The following GNA12 variants were observed in gnomAD, a reference collection of about 807,000 sequenced individuals.
The protein encoded by GNA12 is guanine nucleotide-binding protein subunit alpha-12.
In GNA12, 9 loss-of-function variants were observed where a neutral mutation model predicts 26.0. The observed-to-expected ratio is 0.35, with a 90% CI of 0.21 to 0.60. The LOEUF is 0.60. Ranked by LOEUF, GNA12 falls within the 20% of genes least tolerant of loss-of-function variation. GNA12 has a pLI of 0.78. For synonymous variants in GNA12, 264 were observed against 219.6 expected (o/e 1.20, Z -1.79); for missense variants, 405 against 525.8 (o/e 0.77, Z 2.25).
In GNA12 at chr7:2,844,024, C is replaced by A. The variant is rs745714960; in HGVS notation, c.138G>T (p.Leu46=). 1 of 1,462,408 alleles carries A rather than the reference C, an allele frequency of 6.8e-7. No individual in the cohort carries two copies. Among genetic ancestry groups the A allele is most frequent in the Non-Finnish European group, 9.1e-7 (1 of 1,100,600 alleles). 90.6% of individuals were successfully genotyped at this position (1,462,408 alleles called of 1,614,324 possible). A position where few individuals can be genotyped will look rare whatever the true frequency, so the allele number is the denominator to read the frequency against. Residue 46 remains leucine, a synonymous_variant, in exon 1 of 4, where the codon CTG becomes CTT. Transcript: ENST00000275364. The stretch of plus-strand genomic sequence containing the variant: ...GGACCGCGCGCCGCTCGCGGGCCAG[C>A]AGCGCGTCGATGTCGCGGCTACGCC... ...ARRRSRDIDA[L]LARERRAVRR...
intron 1 of GNA12, among the ~76,000 whole-genome samples, chr7:2,813,455 G>C (rs962000085): frequency 6.6e-5 from 10 of 152,198 alleles, no homozygotes; most frequent in Admixed American, 2.0e-4. Context: ...AGTCAGTGTA[G>C]CTTGCGTAAG....
chr7:2,759,847 A>G (rs1307303639), intron 2 of GNA12, among the ~76,000 whole-genome samples: 4 of 151,942 alleles, frequency 2.6e-5, no homozygotes, highest in East Asian at 1.9e-4. Flanking sequence ...ATGCCGTCCA[A>G]TGCGATTGTC....
At chr7:2,811,609 C>G (rs779306298) in intron 1 of GNA12, among the ~76,000 whole-genome samples, 1 of 152,202 alleles carries the variant, frequency 6.6e-6, no homozygotes, top group Non-Finnish European at 1.5e-5. Flanking sequence ...TGAAAGCACA[C>G]GGCACAGATT....
At chr7:2,766,332 G>C (rs986804548) in intron 2 of GNA12, among the ~76,000 whole-genome samples, 4 of 150,692 alleles carry the variant, frequency 2.7e-5, no homozygotes, top group African/African-American at 9.8e-5. Flanking sequence ...TTGTGTGTAT[G>C]TACTACATGC....
intron 2 of GNA12, among the ~76,000 whole-genome samples, chr7:2,739,381 A>G (rs1790381873): frequency 6.6e-6 from 1 of 152,158 alleles, no homozygotes; most frequent in Non-Finnish European, 1.5e-5. Flanking sequence ...TTCACACAGC[A>G]TGCAGCCCTT....
chr7:2,789,198 G>C (rs922765411), intron 2 of GNA12, among the ~76,000 whole-genome samples: 1 of 127,354 alleles, frequency 7.9e-6, no homozygotes, highest in African/African-American at 3.1e-5. Context: ...TGCAGTGGCG[G>C]GATCTCGGCT....
At position 2,843,953 on chromosome 7, in the gene GNA12, T is replaced by C; in HGVS notation, c.209A>G (p.Lys70Arg). The C allele has an allele frequency of 5.7e-6, 9 of 1,590,858 alleles. No homozygotes were observed. Among genetic ancestry groups the C allele is most frequent in the Non-Finnish European group, 7.7e-6 (9 of 1,170,428 alleles). Residue 70 changes from lysine to arginine, a missense_variant, in exon 1 of 4, where the codon AAG becomes AGG. Lys to Arg is a conservative substitution (Grantham distance 26). Transcript: ENST00000275364. ...GCGCATCTGCTTGAGGAACGTGGAC[T>C]TGCCGCTCTCGCCCGCGCCCAGCAG... ...ILLLGAGESG[K>R]STFLKQMRII...
chr7:2,841,955 T>A (rs1207644542), intron 1 of GNA12, among the ~76,000 whole-genome samples: 1 of 139,268 alleles, frequency 7.2e-6, no homozygotes, highest in Non-Finnish European at 1.5e-5. Flanking sequence ...TTCCCCAAAA[T>A]GGGCTGGGGA....
intron 1 of GNA12, among the ~76,000 whole-genome samples, chr7:2,800,005 C>T (rs914394281): frequency 6.6e-6 from 1 of 152,212 alleles, no homozygotes; most frequent in Non-Finnish European, 1.5e-5. Context: ...TCCCATACAG[C>T]CTAGCAGCTG....
intron 2 of GNA12, among the ~76,000 whole-genome samples, chr7:2,769,537 T>C (rs1053285581): frequency 3.9e-5 from 6 of 152,000 alleles, no homozygotes; most frequent in Admixed American, 3.9e-4. Flanking sequence ...GAGACCATCC[T>C]GGCCAACACG....
At chr7:2,834,263 TC>T (rs1367504157) in intron 1 of GNA12, among the ~76,000 whole-genome samples, 1 of 152,266 alleles carries the variant, frequency 6.6e-6, no homozygotes, top group Non-Finnish European at 1.5e-5. Context: ...ATTTGTGTAT[TC>T]TTCTCCACTT....
chr7:2,788,850 C>T (rs1411771700), intron 2 of GNA12, among the ~76,000 whole-genome samples: 1 of 152,110 alleles, frequency 6.6e-6, no homozygotes, highest in Admixed American at 6.6e-5. Flanking sequence ...TCTTGTTGCA[C>T]ACACACGTTG....
rs1179103961 is a variant in GNA12 at position 2,742,441 on chromosome 7, C to G, written c.526-8940G>C. Among the ~76,000 whole-genome samples the G allele has an allele frequency of 2.6e-5, 4 of 152,172 alleles. No individual in the cohort carries two copies. The South Asian group carries it at 8.3e-4, about 32-fold the overall frequency. On this transcript the variant is annotated intron_variant, in intron 2 of 3. Transcript: ENST00000275364. Reference sequence around the variant, plus strand: ...TCAGTGCCACTCCATGCTTGCTGGTCTGTGAGTGACATTCCACTGTCAACA... The same window carrying G: ...TCAGTGCCACTCCATGCTTGCTGGTGTGTGAGTGACATTCCACTGTCAACA...
At chr7:2,824,216 G>A (rs954472491) in intron 1 of GNA12, among the ~76,000 whole-genome samples, 10 of 152,114 alleles carry the variant, frequency 6.6e-5, no homozygotes, top group African/African-American at 2.4e-4. Context: ...CTCAGTGAGG[G>A]TGGCCAGGGC....
chr7:2,814,784 T>C (rs1793175769), intron 1 of GNA12: 1 of 1,203,888 alleles, frequency 8.3e-7, no homozygotes, highest in East Asian at 2.6e-5. Flanking sequence ...CTAGAAAGGG[T>C]TCCCTGACCT....
intron 1 of GNA12, chr7:2,835,787 G>A: frequency 1.4e-6 from 1 of 697,982 alleles, no homozygotes; most frequent in Non-Finnish European, 2.7e-6. Context: ...GCTCGTGACG[G>A]TACCATGCTT....
chr7:2,746,567 GA>G (rs1363545823), intron 2 of GNA12, among the ~76,000 whole-genome samples: 5 of 151,974 alleles, frequency 3.3e-5, no homozygotes, highest in African/African-American at 1.2e-4. Context: ...GAGAAAGCAG[GA>G]AAAATCTAAA....
intron 1 of GNA12, among the ~76,000 whole-genome samples, chr7:2,797,953 T>C (rs956389990): frequency 7.2e-5 from 11 of 152,160 alleles, no homozygotes; most frequent in African/African-American, 2.7e-4. Flanking sequence ...CCACTCATGA[T>C]TTTAAAAAAC....
At chr7:2,742,107 C>T (rs979170149) in intron 2 of GNA12, among the ~76,000 whole-genome samples, 1 of 151,888 alleles carries the variant, frequency 6.6e-6, no homozygotes, top group African/African-American at 2.4e-5. Flanking sequence ...CTGCAGCCTC[C>T]GCCTCCCAGG....
Sources: gnomAD v4.1 joint callset for allele counts (sites outside exome capture counted in the v4.1 genomes callset) on GRCh38, gnomAD v4.1.1 for gene constraint, MANE v1.5 for transcripts, NCBI Gene and HGNC (gene_info 2026-07-23, HGNC 2026-07-21) for gene names.